Variants in SCML4 observed in about 807,000 individuals in gnomAD.
The protein encoded by SCML4 is sex comb on midleg-like protein 4.
Under a neutral mutation model 41.1 loss-of-function variants are expected in SCML4, and 34 were observed. The observed-to-expected ratio is 0.83, with a 90% CI of 0.63 to 1.10. The LOEUF (loss-of-function observed/expected upper bound fraction) is 1.10. SCML4 is among the 50% of genes least tolerant of loss of function. SCML4 has a pLI of 0.00. For synonymous variants in SCML4, 214 were observed against 220.9 expected (o/e 0.97, Z 0.28); for missense variants, 522 against 534.1 (o/e 0.98, Z 0.22).
chr6:107,749,688 G>A lies in SCML4; in HGVS notation c.282C>T (p.Leu94=). 6.2e-7 allele frequency: 1 copy of A among 1,613,936 alleles called. No individual in the cohort carries two copies. The highest frequency in any genetic ancestry group is 8.5e-7 in the Non-Finnish European group (1 of 1,180,000). Residue 94 remains leucine (L), a synonymous_variant, in exon 3 of 8, where the codon CTC becomes CTT. Transcript: ENST00000369020. The part of the protein sequence containing the change: ...TVPSLAAPQA[L]TVCLYINKQA... ...GAGTTCATTCTGCTGACCTACCTGT[G>A]AGAGCCTGTGGGGCCGCCAAGCTGG...
intron 2 of SCML4, among the ~76,000 whole-genome samples, chr6:107,766,955 T>C (rs1186783806): frequency 2.1e-4 from 31 of 150,612 alleles, no homozygotes; most frequent in Admixed American, 4.0e-4. Context: ...AGCTATTTTT[T>C]TTTTTTTTTT....
At chr6:107,805,708 G>A (rs1167646899) in intron 1 of SCML4, among the ~76,000 whole-genome samples, 4 of 152,208 alleles carry the variant, frequency 2.6e-5, no homozygotes, top group Non-Finnish European at 5.9e-5. Flanking sequence ...TTAGCTCAGC[G>A]AAGAGTGACG....
chr6:107,840,687 G>A, the SCML4 span, among the ~76,000 whole-genome samples: 3 of 152,140 alleles, frequency 2.0e-5, no homozygotes, highest in Non-Finnish European at 4.4e-5. Context: ...ACAGGGACAG[G>A]GAATGTCAGA....
At chr6:107,845,888 C>G in the SCML4 span, among the ~76,000 whole-genome samples, 2 of 152,240 alleles carry the variant, frequency 1.3e-5, no homozygotes, top group Non-Finnish European at 2.9e-5. Flanking sequence ...CCATTGAACT[C>G]AGGTGCCACA....
At chr6:107,743,835 G>A (rs1344631358) in intron 5 of SCML4, 1 of 152,232 alleles carries the variant, frequency 6.6e-6, no homozygotes, top group Admixed American at 6.5e-5. Flanking sequence ...GCTATGCAGA[G>A]AATCTAAATT....
chr6:107,841,801 T>C, the SCML4 span, among the ~76,000 whole-genome samples: 1 of 152,188 alleles, frequency 6.6e-6, no homozygotes, highest in Non-Finnish European at 1.5e-5. Context: ...CACCTCCAAG[T>C]CTGACCTGTG....
At chr6:107,757,108 A>C (rs982601682) in intron 2 of SCML4, among the ~76,000 whole-genome samples, 1 of 152,200 alleles carries the variant, frequency 6.6e-6, no homozygotes, top group Non-Finnish European at 1.5e-5. Context: ...TGGAGTCTCC[A>C]CCAGGGGGGC....
At chr6:107,755,117 A>T (rs1778995971) in intron 2 of SCML4, among the ~76,000 whole-genome samples, 2 of 152,046 alleles carry the variant, frequency 1.3e-5, no homozygotes, top group African/African-American at 2.4e-5. Context: ...AAAAAAAAAA[A>T]TTACTAGAGA....
intron 1 of SCML4, among the ~76,000 whole-genome samples, chr6:107,803,550 A>C (rs1258009564): frequency 1.4e-5 from 2 of 148,036 alleles, no homozygotes; most frequent in Non-Finnish European, 1.5e-5. Flanking sequence ...TGGGAGGTGT[A>C]CTCAACAGCT....
chr6:107,844,521 G>A, the SCML4 span, among the ~76,000 whole-genome samples: 2 of 151,952 alleles, frequency 1.3e-5, no homozygotes, highest in African/African-American at 4.8e-5. Context: ...AACAGAATGA[G>A]ATCCTGTCTC....
At chr6:107,740,997 G>A (rs912814755) in intron 5 of SCML4, among the ~76,000 whole-genome samples, 1 of 152,140 alleles carries the variant, frequency 6.6e-6, no homozygotes, top group East Asian at 1.9e-4. Context: ...AGCCAACCAT[G>A]CCCTTCTTTA....
At chr6:107,835,409 G>A in the SCML4 span, among the ~76,000 whole-genome samples, 1 of 151,408 alleles carries the variant, frequency 6.6e-6, no homozygotes, top group African/African-American at 2.4e-5. Context: ...AAAATAAAAA[G>A]GACATTAAAA....
At chr6:107,846,005 A>G in the SCML4 span, among the ~76,000 whole-genome samples, 1 of 152,270 alleles carries the variant, frequency 6.6e-6, no homozygotes, top group South Asian at 2.1e-4. Flanking sequence ...GCGCTCCCTG[A>G]GTGAGCCTCC....
chr6:107,709,441 G>A (rs575943219), intron 6 of SCML4, among the ~76,000 whole-genome samples: 21 of 152,300 alleles, frequency 1.4e-4, no homozygotes, highest in African/African-American at 4.8e-4. Context: ...CCTATGTCAG[G>A]TGCTCCGCCA....
At chr6:107,804,359 G>T (rs1783559355) in intron 1 of SCML4, among the ~76,000 whole-genome samples, 1 of 152,126 alleles carries the variant, frequency 6.6e-6, no homozygotes, top group African/African-American at 2.4e-5. Context: ...CAGGCCCCAA[G>T]GCCAGGCCCC....
the SCML4 span, among the ~76,000 whole-genome samples, chr6:107,844,715 C>T: frequency 1.3e-5 from 2 of 152,098 alleles, no homozygotes; most frequent in South Asian, 2.1e-4. Flanking sequence ...CATTTGTCCT[C>T]ATATCAAATT....
intron 6 of SCML4, among the ~76,000 whole-genome samples, chr6:107,715,233 T>G (rs1739857): frequency 1.6e-5 from 2 of 125,104 alleles, no homozygotes; most frequent in East Asian, 4.3e-4. Context: ...CCTCTGCCTC[T>G]CAAAGTGCTG....
the SCML4 span, among the ~76,000 whole-genome samples, chr6:107,840,287 G>A: frequency 6.6e-6 from 1 of 152,210 alleles, no homozygotes; most frequent in Non-Finnish European, 1.5e-5. Flanking sequence ...TGCATAGACT[G>A]TGCCATATTA....
chr6:107,792,355 G>A (rs1308016148), intron 1 of SCML4, among the ~76,000 whole-genome samples: 7 of 152,170 alleles, frequency 4.6e-5, no homozygotes, highest in African/African-American at 1.7e-4. Flanking sequence ...AGTTTGAGAG[G>A]GATGGCTAAT....
Sources: allele counts gnomAD v4.1 joint callset (sites outside exome capture counted in the v4.1 genomes callset), GRCh38; gene constraint gnomAD v4.1.1; transcripts MANE v1.5; gene names NCBI Gene and HGNC (gene_info 2026-07-23, HGNC 2026-07-21).